PDE4D: variants seen among roughly 807,000 people sequenced by gnomAD.
The protein encoded by PDE4D is phosphodiesterase 4D, also known as 3',5'-cyclic-AMP phosphodiesterase 4D.
A neutral mutation model predicts 87.4 loss-of-function variants in PDE4D; 24 were observed. That is an observed-to-expected ratio of 0.27 (90% CI 0.20 to 0.39). The LOEUF is 0.39. PDE4D is among the 10% of genes least tolerant of loss of function. The pLI is 1.00. For missense variants in PDE4D, 714 were observed against 1,041.0 expected (o/e 0.69, Z 4.32); for synonymous variants, 384 against 383.2 (o/e 1.00, Z -0.02).
chr5:59,030,741 G>A (rs112968859), intron 6 of PDE4D, among the ~76,000 whole-genome samples: 50 of 152,056 alleles, frequency 3.3e-4, no homozygotes, highest in Non-Finnish European at 6.2e-4. Context: ...AAAAACAAAC[G>A]AAAACTCAAC....
At chr5:59,115,721 G>T (rs1175701921) in intron 5 of PDE4D, among the ~76,000 whole-genome samples, 1 of 152,084 alleles carries the variant, frequency 6.6e-6, no homozygotes, top group African/African-American at 2.4e-5. Context: ...GATGTATATT[G>T]TTATTAATAA....
At chr5:59,652,762 A>C (rs1743715171) in intron 1 of PDE4D, among the ~76,000 whole-genome samples, 1 of 151,846 alleles carries the variant, frequency 6.6e-6, no homozygotes. Flanking sequence ...ATTGGAGCTC[A>C]GGAAACACTC....
At chr5:59,352,642 G>T (rs1426837209) in intron 1 of PDE4D, among the ~76,000 whole-genome samples, 2 of 152,138 alleles carry the variant, frequency 1.3e-5, no homozygotes, top group African/African-American at 4.8e-5. Flanking sequence ...GATCAAAGTT[G>T]TAGATTTGGT....
chr5:60,413,410 C>T (rs571896289), intron 1 of PDE4D, among the ~76,000 whole-genome samples: 20 of 152,222 alleles, frequency 1.3e-4, no homozygotes, highest in African/African-American at 4.1e-4. Context: ...AAGGTACTCA[C>T]ACACAATAGA....
chr5:59,331,261 T>C (rs1776677688), intron 1 of PDE4D, among the ~76,000 whole-genome samples: 1 of 152,222 alleles, frequency 6.6e-6, no homozygotes, highest in African/African-American at 2.4e-5. Context: ...ACTTATGTTT[T>C]AAAACAGTTC....
Position 58,970,963 on chromosome 5 carries a change from C to A in PDE4D, c.*3701G>T, listed in dbSNP as rs2153290789. On this transcript the variant is annotated 3_prime_UTR_variant, in exon 15 of 15. Coordinates refer to ENST00000340635, the MANE Select transcript of PDE4D (RefSeq NM_001104631.2). ...GCAAGTAGCTGAAGTAGTTCCTGAT[C>A]AACAGATGGCAAACAACCATCACAC... 1 of 150,444 alleles carries A rather than the reference C, an allele frequency of 6.6e-6. No individual in the cohort carries two copies. The highest frequency in any genetic ancestry group is 1.5e-5 in the Non-Finnish European group (1 of 67,748). The allele number at this position is 150,444 out of a possible 1,614,324, so 9.3% of individuals were successfully genotyped here. A position where few individuals can be genotyped will look rare whatever the true frequency, so the allele number is the denominator to read the frequency against.
intron 5 of PDE4D, among the ~76,000 whole-genome samples, chr5:59,052,925 C>T (rs1005296646): frequency 7.9e-5 from 12 of 151,996 alleles, no homozygotes; most frequent in African/African-American, 2.9e-4. Context: ...ATAAGAGCTG[C>T]TTTTAATAGT....
At chr5:59,692,982 A>G (rs953673827) in intron 1 of PDE4D, among the ~76,000 whole-genome samples, 2 of 152,170 alleles carry the variant, frequency 1.3e-5, no homozygotes, top group African/African-American at 2.4e-5. Flanking sequence ...GCTAAGGTCT[A>G]TTTAATGTAT....
chr5:59,342,941 A>T (rs1778992311), intron 1 of PDE4D, among the ~76,000 whole-genome samples: 1 of 151,136 alleles, frequency 6.6e-6, no homozygotes, highest in Admixed American at 6.6e-5. Context: ...TGGTGAGAAC[A>T]TTTAAAATCT....
chr5:60,237,750 C>T (rs1454623965), intron 1 of PDE4D, among the ~76,000 whole-genome samples: 2 of 151,952 alleles, frequency 1.3e-5, no homozygotes, highest in African/African-American at 4.8e-5. Flanking sequence ...CATAGAGCTA[C>T]ACAAACACAT....
intron 2 of PDE4D, among the ~76,000 whole-genome samples, chr5:60,035,850 G>C (rs1307110137): frequency 1.3e-5 from 2 of 152,078 alleles, no homozygotes; most frequent in African/African-American, 4.8e-5. Flanking sequence ...TACCAAGCTG[G>C]GGTCTTAGCA....
chr5:59,002,934 A>C (rs10053177), intron 6 of PDE4D, among the ~76,000 whole-genome samples: 15,741 of 152,260 alleles, frequency 0.1, 1,291 homozygotes, highest in East Asian at 0.47. Context: ...GTTGAAGATA[A>C]GTAGGTATCA....
intron 1 of PDE4D, among the ~76,000 whole-genome samples, chr5:59,564,513 C>T (rs1820569452): frequency 6.6e-6 from 1 of 152,166 alleles, no homozygotes; most frequent in African/African-American, 2.4e-5. Flanking sequence ...TTAAGAGACA[C>T]CCGGATGGGG....
At chr5:59,894,313 G>A (rs779488938), upstream of PDE4D, among the ~76,000 whole-genome samples, 2 of 152,226 alleles carry the variant, frequency 1.3e-5, no homozygotes, top group Non-Finnish European at 2.9e-5. Context: ...TGTTGACGAT[G>A]AGCCCCATGC....
At chr5:60,339,298 T>C (rs1192646772) in intron 1 of PDE4D, among the ~76,000 whole-genome samples, 6 of 152,068 alleles carry the variant, frequency 3.9e-5, no homozygotes, top group African/African-American at 1.4e-4. Context: ...TTAAGTAAAC[T>C]AAGAGTTCCT....
intron 1 of PDE4D, among the ~76,000 whole-genome samples, chr5:60,438,253 G>A (rs1054325637): frequency 1.3e-5 from 2 of 151,984 alleles, no homozygotes; most frequent in African/African-American, 2.4e-5. Flanking sequence ...ACAAGGGAGG[G>A]AGAGTAAAAC....
At chr5:60,493,119 CT>C (rs1361440914) in intron 1 of PDE4D, among the ~76,000 whole-genome samples, 3 of 152,114 alleles carry the variant, frequency 2.0e-5, no homozygotes, top group African/African-American at 7.2e-5. Context: ...TAACCCTGCC[CT>C]GTATTTTGCT....
At chr5:60,264,100 CT>C (rs1472023530) in intron 1 of PDE4D, among the ~76,000 whole-genome samples, 2 of 151,958 alleles carry the variant, frequency 1.3e-5, no homozygotes, top group Non-Finnish European at 2.9e-5. Context: ...GTGAACTTAA[CT>C]TTTTAAATGG....
intron 1 of PDE4D, among the ~76,000 whole-genome samples, chr5:59,375,531 T>C (rs1369918973): frequency 6.6e-6 from 1 of 152,004 alleles, no homozygotes; most frequent in East Asian, 1.9e-4. Flanking sequence ...AGCACTGAAA[T>C]TGAGTCAGTA....
Sources: allele counts gnomAD v4.1 joint callset (sites outside exome capture counted in the v4.1 genomes callset), GRCh38; gene constraint gnomAD v4.1.1; transcripts MANE v1.5; gene names NCBI Gene and HGNC (gene_info 2026-07-23, HGNC 2026-07-21).